PIP5K1B: variants seen among roughly 807,000 people sequenced by gnomAD.
The protein encoded by PIP5K1B is phosphatidylinositol 4-phosphate 5-kinase type-1 beta.
A neutral mutation model predicts 67.0 loss-of-function variants in PIP5K1B; 42 were observed. The observed-to-expected ratio is 0.63, with a 90% CI of 0.49 to 0.81. The LOEUF is 0.81. Among genes scored for constraint, PIP5K1B ranks in the 30% least tolerant of loss-of-function variants. PIP5K1B has a pLI of 0.00. For missense variants in PIP5K1B, 459 were observed against 646.3 expected (o/e 0.71, Z 3.14); for synonymous variants, 214 against 231.4 (o/e 0.92, Z 0.68).
At chr9:68,747,088 G>A (rs1353887853) in intron 2 of PIP5K1B, among the ~76,000 whole-genome samples, 3 of 151,660 alleles carry the variant, frequency 2.0e-5, no homozygotes, top group Non-Finnish European at 4.4e-5. Flanking sequence ...TTCTTTCCCT[G>A]CCTACTCCAT....
intron 2 of PIP5K1B, chr9:68,788,250 A>G (rs1031698934): frequency 1.3e-5 from 6 of 457,624 alleles, no homozygotes; most frequent in African/African-American, 2.1e-5. Flanking sequence ...GATACTTTTT[A>G]CTTTTAGATA....
chr9:68,824,245 A>G, intron 4 of PIP5K1B: 1 of 518,804 alleles, frequency 1.9e-6, no homozygotes. Context: ...ATCAAGATGC[A>G]CTGAAATTCT....
intron 1 of PIP5K1B, among the ~76,000 whole-genome samples, chr9:68,713,222 A>G (rs956060093): frequency 1.3e-5 from 2 of 152,190 alleles, no homozygotes; most frequent in Admixed American, 6.5e-5. Flanking sequence ...AACATGGTGA[A>G]ACCACATCTC....
chr9:68,830,807 C>T (rs1834273983), intron 4 of PIP5K1B, among the ~76,000 whole-genome samples: 1 of 152,124 alleles, frequency 6.6e-6, no homozygotes, highest in South Asian at 2.1e-4. Flanking sequence ...TCTCAGGGCA[C>T]AACGATGCTT....
At chr9:68,982,932 A>C (rs1449634077) in intron 14 of PIP5K1B, among the ~76,000 whole-genome samples, 1 of 152,144 alleles carries the variant, frequency 6.6e-6, no homozygotes, top group Non-Finnish European at 1.5e-5. Flanking sequence ...ATGCACATAC[A>C]TACTCCTGCA....
At chr9:68,708,256 T>C (rs1827217555) in intron 1 of PIP5K1B, 1 of 152,208 alleles carries the variant, frequency 6.6e-6, no homozygotes, top group African/African-American at 2.4e-5. Context: ...TTTTTTTAGC[T>C]TTATGGTTTG....
chr9:68,958,089 T>C (rs1359979642), intron 14 of PIP5K1B, among the ~76,000 whole-genome samples: 1 of 152,130 alleles, frequency 6.6e-6, no homozygotes, highest in Admixed American at 6.5e-5. Context: ...CCCAGGCTGG[T>C]CTTGAACTCA....
chr9:68,899,504 T>G (rs1825258639), intron 8 of PIP5K1B, among the ~76,000 whole-genome samples: 2 of 152,248 alleles, frequency 1.3e-5, no homozygotes, highest in Non-Finnish European at 1.5e-5. Context: ...AAACCTGTCT[T>G]TGGTGATTTT....
intron 4 of PIP5K1B, among the ~76,000 whole-genome samples, chr9:68,863,379 T>C (rs967270706): frequency 1.3e-5 from 2 of 152,110 alleles, no homozygotes; most frequent in Non-Finnish European, 2.9e-5. Flanking sequence ...ATTATGTTGG[T>C]TAAAACTATA....
At chr9:68,869,055 A>G (rs1260408051) in intron 5 of PIP5K1B, among the ~76,000 whole-genome samples, 1 of 152,238 alleles carries the variant, frequency 6.6e-6, no homozygotes, top group African/African-American at 2.4e-5. Flanking sequence ...ACTCAATGTT[A>G]CAGGTTTGAC....
intron 4 of PIP5K1B, among the ~76,000 whole-genome samples, chr9:68,829,875 C>A (rs1475744994): frequency 6.6e-6 from 1 of 152,152 alleles, no homozygotes; most frequent in Non-Finnish European, 1.5e-5. Flanking sequence ...AGCAAGAATG[C>A]AGTCCCTGAG....
chr9:68,743,404 A>G (rs889286342), intron 2 of PIP5K1B, among the ~76,000 whole-genome samples: 6 of 151,916 alleles, frequency 3.9e-5, no homozygotes, highest in Non-Finnish European at 8.8e-5. Context: ...GGGTTTCGCT[A>G]TGTGCCCAGT....
intron 2 of PIP5K1B, among the ~76,000 whole-genome samples, chr9:68,808,101 G>A (rs552375159): frequency 6.6e-6 from 1 of 152,362 alleles, no homozygotes; most frequent in African/African-American, 2.4e-5. Flanking sequence ...AGGAGGCTGA[G>A]GCGGGAGAGT....
chr9:68,885,745 T>G (rs1454846289), intron 6 of PIP5K1B, among the ~76,000 whole-genome samples: 2 of 152,154 alleles, frequency 1.3e-5, no homozygotes, highest in African/African-American at 4.8e-5. Flanking sequence ...TGTCCACTAC[T>G]CAGGTGATGG....
intron 5 of PIP5K1B, among the ~76,000 whole-genome samples, chr9:68,872,596 A>G (rs930454182): frequency 6.6e-6 from 1 of 152,206 alleles, no homozygotes; most frequent in Admixed American, 6.5e-5. Flanking sequence ...TACTGTGAAG[A>G]GTTCCTTTTG....
At chr9:68,958,828 A>AT (rs1828550317) in intron 14 of PIP5K1B, among the ~76,000 whole-genome samples, 1 of 152,184 alleles carries the variant, frequency 6.6e-6, no homozygotes, top group Admixed American at 6.5e-5. Flanking sequence ...ATTTAGAAGG[A>AT]TTTTTTTCAC....
chr9:68,795,827 AAC>A (rs950172031), intron 2 of PIP5K1B, among the ~76,000 whole-genome samples: 7 of 152,216 alleles, frequency 4.6e-5, no homozygotes, highest in Non-Finnish European at 7.3e-5. Flanking sequence ...CTTTAATTTT[AAC>A]ACAGTCAATC....
intron 14 of PIP5K1B, among the ~76,000 whole-genome samples, chr9:68,982,248 A>G (rs1829911435): frequency 6.6e-6 from 1 of 152,182 alleles, no homozygotes; most frequent in Non-Finnish European, 1.5e-5. Flanking sequence ...TAAGAGAGGT[A>G]TCCTTGCTTC....
At chr9:68,875,385 A>C (rs1247503694) in intron 5 of PIP5K1B, among the ~76,000 whole-genome samples, 3 of 149,898 alleles carry the variant, frequency 2.0e-5, no homozygotes, top group Non-Finnish European at 4.4e-5. Context: ...TTGAATAGAT[A>C]CTTCCTAAAT....
Sources: allele counts gnomAD v4.1 joint callset (sites outside exome capture counted in the v4.1 genomes callset), GRCh38; gene constraint gnomAD v4.1.1; transcripts MANE v1.5; gene names NCBI Gene and HGNC (gene_info 2026-07-23, HGNC 2026-07-21).